VPS13A: variants seen among roughly 807,000 people sequenced by gnomAD.
The protein encoded by VPS13A is vacuolar protein sorting 13 homolog A.
In VPS13A, 264 loss-of-function variants were observed where a neutral mutation model predicts 390.9. That is an observed-to-expected ratio of 0.68 (90% CI 0.61 to 0.75). The LOEUF (loss-of-function observed/expected upper bound fraction) is 0.75, where lower values mean the gene tolerates loss of function less well. Among genes scored for constraint, VPS13A ranks in the 30% least tolerant of loss-of-function variants. The pLI is 0.00. For synonymous variants in VPS13A, 1,231 were observed against 1,227.1 expected (o/e 1.00, Z -0.07); for missense variants, 3,409 against 3,733.9 (o/e 0.91, Z 2.27).
chr9:77,275,709 A>G, intron 25 of VPS13A, 57 bp downstream of exon 25: 2 of 1,540,160 alleles, frequency 1.3e-6, no homozygotes, highest in African/African-American at 2.7e-5. Context: ...CTATATTTAC[A>G]GCTTACTATA....
chr9:77,340,310 A>C (rs778053269), intron 49 of VPS13A, 28 bp downstream of exon 49: 28 of 1,607,116 alleles, frequency 1.7e-5, no homozygotes, highest in Non-Finnish European at 2.4e-5. Flanking sequence ...TTATCAAGAA[A>C]CTTTTATTTT....
intron 71 of VPS13A, among the ~76,000 whole-genome samples, chr9:77,414,745 A>T (rs1564004374): frequency 1.4e-5 from 2 of 143,902 alleles, no homozygotes; most frequent in Non-Finnish European, 1.5e-5. Context: ...ATAATTAATA[A>T]TAATAATAAT....
At chr9:77,412,166 T>C (rs1030138083) in intron 71 of VPS13A, among the ~76,000 whole-genome samples, 24 of 152,038 alleles carry the variant, frequency 1.6e-4, no homozygotes, top group African/African-American at 5.3e-4. Flanking sequence ...ACCAGAGGTA[T>C]AAGGAGGAGC....
intron 23 of VPS13A, 132 bp from the exon 24 acceptor site, chr9:77,273,148 A>C: frequency 2.9e-6 from 2 of 688,440 alleles, no homozygotes; most frequent in Non-Finnish European, 4.9e-6. Context: ...TTTAAACCTG[A>C]TTATCTTCTC....
At chr9:77,284,029 G>T (rs886112111) in intron 31 of VPS13A, among the ~76,000 whole-genome samples, 2 of 151,334 alleles carry the variant, frequency 1.3e-5, no homozygotes, top group Non-Finnish European at 2.9e-5. Flanking sequence ...ACATTTGAGG[G>T]TCTGAAGTCT....
At chr9:77,258,287 A>G (rs954458173) in intron 22 of VPS13A, among the ~76,000 whole-genome samples, 10 of 152,236 alleles carry the variant, frequency 6.6e-5, no homozygotes, top group Non-Finnish European at 1.0e-4. Context: ...GCAAGGCAAC[A>G]TGAGAAGGCT....
intron 44 of VPS13A, 91 bp downstream of exon 44, chr9:77,321,837 GTTTTT>G: frequency 6.8e-7 from 1 of 1,474,470 alleles, no homozygotes; most frequent in Non-Finnish European, 9.2e-7. Flanking sequence ...TCTTAGCAAG[GTTTTT>G]TTTGTTTTTG....
chr9:77,312,987 G>A (rs1397964771), intron 35 of VPS13A, among the ~76,000 whole-genome samples: 1 of 152,024 alleles, frequency 6.6e-6, no homozygotes, highest in Non-Finnish European at 1.5e-5. Context: ...TTAGGAATAC[G>A]TATAGCAGAC....
At chr9:77,183,091 T>C (rs1032162018) in intron 1 of VPS13A, among the ~76,000 whole-genome samples, 2 of 152,250 alleles carry the variant, frequency 1.3e-5, no homozygotes, top group Admixed American at 1.3e-4. Context: ...TCTAAGATAC[T>C]TTAATAAAAC....
chr9:77,182,977 ATTC>A (rs1824113587), intron 1 of VPS13A, among the ~76,000 whole-genome samples: 1 of 152,234 alleles, frequency 6.6e-6, no homozygotes, highest in Non-Finnish European at 1.5e-5. Context: ...TTAAGGAGTC[ATTC>A]TTCTGTGCCC....
intron 10 of VPS13A, 33 bp from the exon 11 acceptor site, chr9:77,219,921 C>G (rs565295691): frequency 6.2e-6 from 10 of 1,608,828 alleles, no homozygotes; most frequent in Non-Finnish European, 7.7e-6. Context: ...GGAAATATAA[C>G]TCAGTTTTTT....
intron 34 of VPS13A, among the ~76,000 whole-genome samples, chr9:77,303,671 G>T (rs1161015240): frequency 1.3e-5 from 2 of 152,074 alleles, no homozygotes; most frequent in Non-Finnish European, 2.9e-5. Context: ...ATAAGGAGAA[G>T]GTCAGCAAAA....
chr9:77,254,297 T>G (rs936256803), intron 22 of VPS13A, among the ~76,000 whole-genome samples: 55 of 152,356 alleles, frequency 3.6e-4, no homozygotes, highest in Middle Eastern at 3.4e-3. Flanking sequence ...TTGAAAAGAC[T>G]GTCCTTTTCT....
chr9:77,191,261 A>G (rs1411273382), intron 1 of VPS13A, among the ~76,000 whole-genome samples: 1 of 151,164 alleles, frequency 6.6e-6, no homozygotes, highest in Non-Finnish European at 1.5e-5. Flanking sequence ...ATTAGTTTCA[A>G]ATAATTCCTT....
chr9:77,281,996 T>G, intron 28 of VPS13A, 70 bp downstream of exon 28: 3 of 1,361,906 alleles, frequency 2.2e-6, no homozygotes, highest in South Asian at 2.5e-5. Flanking sequence ...ACTGGAATTG[T>G]AAGATCCTTA....
intron 46 of VPS13A, among the ~76,000 whole-genome samples, chr9:77,334,295 A>G (rs1289444640): frequency 4.6e-5 from 7 of 152,172 alleles, no homozygotes; most frequent in African/African-American, 1.7e-4. Flanking sequence ...TATAAATTTT[A>G]TCTCCATCTA....
At chr9:77,377,126 C>A (rs1833122742) in intron 67 of VPS13A, among the ~76,000 whole-genome samples, 2 of 146,804 alleles carry the variant, frequency 1.4e-5, no homozygotes, top group South Asian at 4.4e-4. Flanking sequence ...GAATTGCTTT[C>A]AATAATGTTT....
At chr9:77,370,172 C>T in intron 63 of VPS13A, 85 bp from the exon 64 acceptor site, 1 of 1,449,240 alleles carries the variant, frequency 6.9e-7, no homozygotes, top group Non-Finnish European at 9.6e-7. Context: ...TTTGTTACTA[C>T]CTCTTTCGTC....
intron 57 of VPS13A, among the ~76,000 whole-genome samples, chr9:77,359,111 T>C (rs1355723875): frequency 6.6e-6 from 1 of 152,252 alleles, no homozygotes; most frequent in East Asian, 1.9e-4. Context: ...TCTAAACTGC[T>C]AATTGTAGAA....
Sources: gnomAD v4.1 joint callset for allele counts (sites outside exome capture counted in the v4.1 genomes callset) on GRCh38, gnomAD v4.1.1 for gene constraint, MANE v1.5 for transcripts, NCBI Gene and HGNC (gene_info 2026-07-23, HGNC 2026-07-21) for gene names.